Variants in SEMA3D observed in about 807,000 individuals in gnomAD.
SEMA3D encodes the protein semaphorin 3D.
A neutral mutation model predicts 100.1 loss-of-function variants in SEMA3D; 84 were observed. That is an observed-to-expected ratio of 0.84 (90% CI 0.70 to 1.01). The LOEUF is 1.01. Among genes scored for constraint, SEMA3D ranks in the 50% least tolerant of loss-of-function variants. The pLI is 0.00. For synonymous variants in SEMA3D, 312 were observed against 320.7 expected, an observed-to-expected ratio of 0.97 and a Z score of 0.29; for missense variants, 875 against 934.1, an observed-to-expected ratio of 0.94 and a Z score of 0.82.
At chr7:85,184,052 G>A (rs1791472577) in intron 1 of SEMA3D, among the ~76,000 whole-genome samples, 1 of 151,788 alleles carries the variant, frequency 6.6e-6, no homozygotes, top group African/African-American at 2.4e-5. Context: ...GAAACCTGTA[G>A]GTATGAATAG....
intron 1 of SEMA3D, among the ~76,000 whole-genome samples, chr7:85,156,937 A>G (rs1482570666): frequency 6.6e-6 from 1 of 152,200 alleles, no homozygotes; most frequent in Non-Finnish European, 1.5e-5. Flanking sequence ...GTTTGGAATA[A>G]TGATGCCATT....
chr7:85,103,033 T>G (rs868168420), intron 3 of SEMA3D, among the ~76,000 whole-genome samples: 3 of 152,062 alleles, frequency 2.0e-5, no homozygotes, highest in African/African-American at 7.2e-5. Flanking sequence ...ATTAAATAAT[T>G]AGATTTAGGC....
At chr7:85,070,226 C>T (rs1237165288) in intron 6 of SEMA3D, among the ~76,000 whole-genome samples, 1 of 152,162 alleles carries the variant, frequency 6.6e-6, no homozygotes, top group Non-Finnish European at 1.5e-5. Context: ...ATTCCAGCTC[C>T]AGTTGCCCAC....
chr7:85,211,960 A>C, the SEMA3D span, among the ~76,000 whole-genome samples: 5 of 152,312 alleles, frequency 3.3e-5, no homozygotes, highest in East Asian at 9.6e-4. Context: ...ACTTATGGTC[A>C]ACAATAGGCT....
intron 2 of SEMA3D, chr7:85,140,804 T>A (rs1445216042): frequency 4.3e-6 from 4 of 922,888 alleles, no homozygotes; most frequent in African/African-American, 1.8e-5. Context: ...ATTCCATTAA[T>A]AATAGACTGT....
rs1054311862 is a variant in SEMA3D, at chr7:85,006,802, C to T, written c.1908G>A (p.Glu636=). 6.3e-7 allele frequency: 1 copy of T among 1,585,090 alleles called. No individual in the cohort carries two copies. Among genetic ancestry groups the T allele is most frequent in the Non-Finnish European group, 8.6e-7 (1 of 1,163,596 alleles). ...IQRSGDEHRE[E]LKPDERIIKT... ...GTATTCTTTGATGACAACAGCTTACCTCCTCTCGATGCTCATCCCCTGACC... is the reference window on the plus strand; with the variant it reads ...GTATTCTTTGATGACAACAGCTTACTTCCTCTCGATGCTCATCCCCTGACC... Residue 636 remains glutamate (E), a splice_region_variant and synonymous_variant, in exon 18 of 19, where the codon GAG becomes GAA. Coordinates refer to ENST00000284136, the MANE Select transcript of SEMA3D (RefSeq NM_001384900.1).
In SEMA3D at chr7:85,065,500, T is replaced by A; in HGVS notation, c.642A>T (p.Ala214=). The A allele has an allele frequency of 6.2e-7, 1 of 1,612,930 alleles. No homozygotes were observed. Among genetic ancestry groups the A allele is most frequent in the Non-Finnish European group, 8.5e-7 (1 of 1,179,108 alleles). Residue 214 remains alanine, a synonymous_variant, in exon 8 of 19, where the codon GCA becomes GCT. Transcript: ENST00000284136. ...TASDFLGKDT[A]FTRSLGPTHD... ...GAGTAGGCCCAAGGGATCGAGTGAATGCAGTATCTTTGCCAAGGAAATCAG... is the reference window on the plus strand; with the variant it reads ...GAGTAGGCCCAAGGGATCGAGTGAAAGCAGTATCTTTGCCAAGGAAATCAG...
At chr7:85,215,117 C>CT in the SEMA3D span, among the ~76,000 whole-genome samples, 4,248 of 128,234 alleles carry the variant, frequency 0.033, 86 homozygotes, top group South Asian at 0.078. Flanking sequence ...TTCTTTCTTT[C>CT]TTTTTTTTTT....
At chr7:85,030,999 C>G (rs1267798279) in intron 12 of SEMA3D, among the ~76,000 whole-genome samples, 2 of 151,864 alleles carry the variant, frequency 1.3e-5, no homozygotes, top group East Asian at 3.9e-4. Flanking sequence ...TATTTGGACA[C>G]CAGAGGGCAG....
At chr7:85,005,049 T>C (rs1026889481) in intron 18 of SEMA3D, among the ~76,000 whole-genome samples, 1 of 151,836 alleles carries the variant, frequency 6.6e-6, no homozygotes, top group African/African-American at 2.4e-5. Context: ...AGCTGAGAGC[T>C]GAACTCAAGC....
chr7:85,241,349 T>C, the SEMA3D span, among the ~76,000 whole-genome samples: 3 of 151,194 alleles, frequency 2.0e-5, no homozygotes. Flanking sequence ...AAAGAAGTTA[T>C]TATACAAAAA....
chr7:85,218,938 G>C, the SEMA3D span, among the ~76,000 whole-genome samples: 127 of 152,206 alleles, frequency 8.3e-4, 2 homozygotes, highest in Middle Eastern at 3.4e-3. Context: ...TATCACTCAA[G>C]TTATTCTGAT....
chr7:85,206,880 C>T, the SEMA3D span, among the ~76,000 whole-genome samples: 2 of 151,982 alleles, frequency 1.3e-5, no homozygotes, highest in Non-Finnish European at 2.9e-5. Context: ...GTTATTGTTT[C>T]TGAACTTTTG....
the SEMA3D span, among the ~76,000 whole-genome samples, chr7:85,197,096 C>G: frequency 6.6e-6 from 1 of 152,008 alleles, no homozygotes; most frequent in East Asian, 1.9e-4. Context: ...AAAAAATGAA[C>G]ATGTTTTATC....
intron 1 of SEMA3D, among the ~76,000 whole-genome samples, chr7:85,180,629 A>T (rs1223815868): frequency 6.6e-6 from 1 of 152,152 alleles, no homozygotes; most frequent in Non-Finnish European, 1.5e-5. Context: ...TATTTTTCTT[A>T]TTATTTATAT....
intron 1 of SEMA3D, among the ~76,000 whole-genome samples, chr7:85,178,097 C>T (rs917156964): frequency 6.6e-6 from 1 of 152,200 alleles, no homozygotes; most frequent in African/African-American, 2.4e-5. Context: ...GCTTCCCCTT[C>T]TGCCATGATT....
intron 2 of SEMA3D, among the ~76,000 whole-genome samples, chr7:85,149,196 G>C (rs1279335860): frequency 6.6e-6 from 1 of 152,076 alleles, no homozygotes; most frequent in East Asian, 1.9e-4. Flanking sequence ...TGTAATCTCA[G>C]CACTTTGGGA....
At chr7:85,176,094 T>C (rs1207907922) in intron 1 of SEMA3D, among the ~76,000 whole-genome samples, 1 of 152,030 alleles carries the variant, frequency 6.6e-6, no homozygotes, top group East Asian at 1.9e-4. Context: ...ACAACATGAG[T>C]CTATACAAAA....
the SEMA3D span, among the ~76,000 whole-genome samples, chr7:85,227,540 T>G: frequency 2.0e-5 from 3 of 152,150 alleles, no homozygotes; most frequent in African/African-American, 7.2e-5. Context: ...CATCCAGAAC[T>G]ACAAAAAATA....
Sources: gnomAD v4.1 joint callset for allele counts (sites outside exome capture counted in the v4.1 genomes callset) on GRCh38, gnomAD v4.1.1 for gene constraint, MANE v1.5 for transcripts, NCBI Gene and HGNC (gene_info 2026-07-23, HGNC 2026-07-21) for gene names.